The following RCAN2 variants were observed in gnomAD, a reference collection of about 807,000 sequenced individuals.
RCAN2 encodes regulator of calcineurin 2.
A neutral mutation model predicts 23.6 loss-of-function variants in RCAN2; 9 were observed. That is an observed-to-expected ratio of 0.38 (90% CI 0.23 to 0.67). RCAN2 has a LOEUF of 0.67. Ranked by LOEUF, RCAN2 falls within the 30% of genes least tolerant of loss-of-function variation. The pLI is 0.51. For missense variants in RCAN2, 273 were observed against 302.3 expected, an observed-to-expected ratio of 0.90 and a Z score of 0.72; for synonymous variants, 109 against 115.7, an observed-to-expected ratio of 0.94 and a Z score of 0.37.
At chr6:46,385,768 A>T (rs1765724815) in intron 2 of RCAN2, among the ~76,000 whole-genome samples, 1 of 150,454 alleles carries the variant, frequency 6.6e-6, no homozygotes, top group South Asian at 2.1e-4. Flanking sequence ...GAGGCATGAG[A>T]ATCGTTTGAA....
At chr6:46,274,779 C>G (rs780203916) in intron 2 of RCAN2, among the ~76,000 whole-genome samples, 2 of 152,122 alleles carry the variant, frequency 1.3e-5, no homozygotes, top group Non-Finnish European at 2.9e-5. Flanking sequence ...TCCCATAGTT[C>G]TAGAGTGTAA....
At chr6:46,243,673 G>A (rs1766394244) in intron 4 of RCAN2, among the ~76,000 whole-genome samples, 1 of 151,818 alleles carries the variant, frequency 6.6e-6, no homozygotes, top group South Asian at 2.1e-4. Context: ...AGCCAGGTGT[G>A]GTGGCATGCG....
intron 2 of RCAN2, among the ~76,000 whole-genome samples, chr6:46,335,236 A>G (rs1323635424): frequency 6.6e-6 from 1 of 152,186 alleles, no homozygotes; most frequent in Non-Finnish European, 1.5e-5. Context: ...AGAAAGAAAA[A>G]GTGGAGAAAG....
chr6:46,337,084 A>T (rs1319871398), intron 2 of RCAN2, among the ~76,000 whole-genome samples: 2 of 152,124 alleles, frequency 1.3e-5, no homozygotes, highest in African/African-American at 4.8e-5. Flanking sequence ...TGACATACAT[A>T]CATGACAATG....
At chr6:46,236,599 G>C (rs1766108411) in intron 4 of RCAN2, among the ~76,000 whole-genome samples, 1 of 152,184 alleles carries the variant, frequency 6.6e-6, no homozygotes, top group Non-Finnish European at 1.5e-5. Context: ...GTACACATTA[G>C]TGTTCAATGA....
intron 2 of RCAN2, among the ~76,000 whole-genome samples, chr6:46,371,286 T>A (rs1364829783): frequency 1.3e-5 from 2 of 152,164 alleles, no homozygotes; most frequent in East Asian, 1.9e-4. Flanking sequence ...AATGGTATAT[T>A]TTTTTAATCT....
chr6:46,246,710 G>T, intron 4 of RCAN2, 38 bp downstream of exon 4: 1 of 1,596,000 alleles, frequency 6.3e-7, no homozygotes, highest in Non-Finnish European at 8.6e-7. Flanking sequence ...CTAGGTTGCT[G>T]ACAAACGTTT....
At chr6:46,354,584 G>A (rs747706597) in intron 2 of RCAN2, among the ~76,000 whole-genome samples, 43 of 152,210 alleles carry the variant, frequency 2.8e-4, no homozygotes, top group Non-Finnish European at 5.3e-4. Context: ...TTGATGCACA[G>A]ATCATACTCT....
chr6:46,294,317 T>C (rs1582075033), intron 2 of RCAN2, among the ~76,000 whole-genome samples: 1 of 152,186 alleles, frequency 6.6e-6, no homozygotes, highest in East Asian at 1.9e-4. Flanking sequence ...AATGTGAACA[T>C]TCAATTCTAG....
At chr6:46,263,553 G>GTGTA (rs1767213318) in intron 2 of RCAN2, among the ~76,000 whole-genome samples, 2 of 139,382 alleles carry the variant, frequency 1.4e-5, no homozygotes, top group Non-Finnish European at 3.1e-5. Context: ...GTGTGTGTGT[G>GTGTA]TGTGTGTATG....
intron 1 of RCAN2, among the ~76,000 whole-genome samples, chr6:46,483,076 T>C (rs940153008): frequency 5.3e-5 from 8 of 152,176 alleles, no homozygotes; most frequent in Admixed American, 3.9e-4. Context: ...CTCACCTAGA[T>C]TTCCCCACAA....
intron 2 of RCAN2, among the ~76,000 whole-genome samples, chr6:46,254,208 T>A (rs1403470519): frequency 6.6e-6 from 1 of 152,122 alleles, no homozygotes; most frequent in Non-Finnish European, 1.5e-5. Context: ...TTTGACAACA[T>A]AGGAACTGGT....
chr6:46,236,191 T>G (rs1339747267), intron 4 of RCAN2, among the ~76,000 whole-genome samples: 1 of 152,224 alleles, frequency 6.6e-6, no homozygotes, highest in African/African-American at 2.4e-5. Flanking sequence ...GAGCTTTTCC[T>G]CAGTGGAGAC....
chr6:46,330,460 A>G (rs974126833), intron 2 of RCAN2, among the ~76,000 whole-genome samples: 1 of 152,236 alleles, frequency 6.6e-6, no homozygotes, highest in South Asian at 2.1e-4. Flanking sequence ...ATTTCAGTAT[A>G]TATCCCTAAA....
chr6:46,306,018 C>A (rs1004375171), intron 2 of RCAN2, among the ~76,000 whole-genome samples: 2 of 151,816 alleles, frequency 1.3e-5, no homozygotes, highest in Admixed American at 6.6e-5. Flanking sequence ...AAGAGAGAAC[C>A]TTTATAGGCA....
intron 2 of RCAN2, among the ~76,000 whole-genome samples, chr6:46,351,691 C>T (rs1764651583): frequency 1.3e-5 from 2 of 152,160 alleles, no homozygotes; most frequent in South Asian, 4.1e-4. Flanking sequence ...ATAAATACCA[C>T]TGGCAAGGAT....
At chr6:46,344,069 C>T (rs1366471496) in intron 2 of RCAN2, among the ~76,000 whole-genome samples, 1 of 152,102 alleles carries the variant, frequency 6.6e-6, no homozygotes, top group Non-Finnish European at 1.5e-5. Flanking sequence ...GAAAGAACTG[C>T]CTGCAAAAGG....
chr6:46,398,458 G>A (rs1469518791), intron 2 of RCAN2, among the ~76,000 whole-genome samples: 1 of 152,094 alleles, frequency 6.6e-6, no homozygotes, highest in East Asian at 1.9e-4. Context: ...TTGATGTAGT[G>A]TTTTCATTAA....
At chr6:46,224,092 A>AC (rs1765568035) in intron 4 of RCAN2, among the ~76,000 whole-genome samples, 1 of 152,200 alleles carries the variant, frequency 6.6e-6, no homozygotes, top group East Asian at 1.9e-4. Context: ...CTATGGTGGC[A>AC]ATGTATGTTA....
Sources: gnomAD v4.1 joint callset for allele counts (sites outside exome capture counted in the v4.1 genomes callset) on GRCh38, gnomAD v4.1.1 for gene constraint, MANE v1.5 for transcripts, NCBI Gene and HGNC (gene_info 2026-07-23, HGNC 2026-07-21) for gene names.